GATAD2B: variants seen among roughly 807,000 people sequenced by gnomAD.
The protein encoded by GATAD2B is transcriptional repressor p66-beta.
In GATAD2B, 8 loss-of-function variants were observed where a neutral mutation model predicts 64.3. The observed-to-expected ratio is 0.12, with a 90% CI of 0.07 to 0.22. The LOEUF is 0.22. Among genes scored for constraint, GATAD2B ranks in the 10% least tolerant of loss-of-function variants. The pLI is 1.00. For missense variants in GATAD2B, 453 were observed against 752.0 expected (o/e 0.60, Z 4.65); for synonymous variants, 281 against 271.3 (o/e 1.04, Z -0.35).
Position 153,828,266 on chromosome 1 carries a change from G to A in GATAD2B, c.82C>T (p.Leu28=). 6.2e-7 allele frequency: 1 copy of A among 1,614,014 alleles called. No individual in the cohort carries two copies. Among genetic ancestry groups the A allele is most frequent in the South Asian group, 1.1e-5 (1 of 91,084 alleles). ...CCCTCCATTTTGAGTCGCTTTGCCA[G>A]GACATCATCTCGCTCATCTGCTGGG... The part of the protein sequence containing the change: ...LDPADERDDV[L]AKRLKMEGHE... The change falls in exon 2 of 11, where the codon CTG becomes TTG. Residue 28 remains leucine, a synonymous_variant. Transcript: ENST00000368655.
At chr1:153,903,867 C>T (rs1033382180) in intron 1 of GATAD2B, among the ~76,000 whole-genome samples, 1 of 152,060 alleles carries the variant, frequency 6.6e-6, no homozygotes, top group South Asian at 2.1e-4. Flanking sequence ...ACATGTGGTC[C>T]CAGCTACTTG....
intron 1 of GATAD2B, among the ~76,000 whole-genome samples, chr1:153,833,612 C>T (rs563105601): frequency 2.6e-5 from 4 of 151,926 alleles, no homozygotes; most frequent in Non-Finnish European, 4.4e-5. Context: ...GTCAAGAGTT[C>T]GAGACCAGTC....
chr1:153,894,668 C>T (rs907149515), intron 1 of GATAD2B, among the ~76,000 whole-genome samples: 12 of 151,702 alleles, frequency 7.9e-5, no homozygotes, highest in Admixed American at 3.9e-4. Flanking sequence ...TGAGACCATC[C>T]TGGCTAACAC....
chr1:153,853,399 G>GC (rs1675974960), intron 1 of GATAD2B: 1 of 659,252 alleles, frequency 1.5e-6, no homozygotes, highest in Admixed American at 2.2e-5. Flanking sequence ...TGGATCAACT[G>GC]CAACAGATGC....
chr1:153,918,015 T>C (rs1430276887), intron 1 of GATAD2B, among the ~76,000 whole-genome samples: 3 of 152,212 alleles, frequency 2.0e-5, no homozygotes, highest in South Asian at 4.1e-4. Context: ...CTAGCTGTTT[T>C]CCCACTAGAA....
At chr1:153,915,452 T>C (rs1429831042) in intron 1 of GATAD2B, among the ~76,000 whole-genome samples, 1 of 151,632 alleles carries the variant, frequency 6.6e-6, no homozygotes, top group Non-Finnish European at 1.5e-5. Flanking sequence ...ATAAACTTAA[T>C]AAAAATTATG....
chr1:153,810,025 TG>T lies in GATAD2B; in HGVS notation c.*151del. The T allele has an allele frequency of 1.4e-6, 1 of 706,724 alleles. No individual in the cohort carries two copies. Among genetic ancestry groups the T allele is most frequent in the Non-Finnish European group, 2.4e-6 (1 of 425,070 alleles). The allele number at this position is 706,724 out of a possible 1,614,324, so 43.8% of individuals were successfully genotyped here. ...TGGCAGGGCAGGGCGTGTGTTTTCT[TG>T]CTGATCTCTATTTTTTGTCTTCTGT... On this transcript the variant is annotated 3_prime_UTR_variant, in exon 11 of 11. Transcript: ENST00000368655.
chr1:153,857,920 G>C (rs1346849145), intron 1 of GATAD2B, among the ~76,000 whole-genome samples: 1 of 152,170 alleles, frequency 6.6e-6, no homozygotes, highest in African/African-American at 2.4e-5. Flanking sequence ...AGATTCTTTT[G>C]AAATCATTCA....
chr1:153,891,960 G>A (rs1366364378), intron 1 of GATAD2B, among the ~76,000 whole-genome samples: 4 of 151,250 alleles, frequency 2.6e-5, no homozygotes, highest in Non-Finnish European at 4.4e-5. Context: ...TCAAGAAATC[G>A]AGACCATCCT....
intron 1 of GATAD2B, chr1:153,852,773 C>A: frequency 1.1e-6 from 1 of 948,234 alleles, no homozygotes; most frequent in South Asian, 1.3e-5. Context: ...CCCAGTCTAA[C>A]ATAACAACTT....
At chr1:153,887,213 G>A (rs1046921100) in intron 1 of GATAD2B, among the ~76,000 whole-genome samples, 2 of 152,108 alleles carry the variant, frequency 1.3e-5, no homozygotes, top group Non-Finnish European at 2.9e-5. Context: ...CTCTCCACAT[G>A]TTTAGAAATA....
chr1:153,842,776 C>T (rs1447775814), intron 1 of GATAD2B, among the ~76,000 whole-genome samples: 2 of 151,760 alleles, frequency 1.3e-5, no homozygotes, highest in Non-Finnish European at 2.9e-5. Context: ...CCTCAACCTC[C>T]GGAGTAGCTG....
intron 1 of GATAD2B, among the ~76,000 whole-genome samples, chr1:153,922,315 G>A (rs1160399702): frequency 2.0e-5 from 3 of 149,992 alleles, no homozygotes; most frequent in African/African-American, 7.4e-5. Context: ...GGGCGCGCTA[G>A]AGAGGAAAGG....
At chr1:153,846,351 G>C (rs1191246394) in intron 1 of GATAD2B, among the ~76,000 whole-genome samples, 1 of 151,740 alleles carries the variant, frequency 6.6e-6, no homozygotes, top group Non-Finnish European at 1.5e-5. Context: ...TTCTGCCTCA[G>C]CCTCCAAAGT....
chr1:153,863,228 C>T (rs1676372779), intron 1 of GATAD2B, among the ~76,000 whole-genome samples: 1 of 152,038 alleles, frequency 6.6e-6, no homozygotes, highest in African/African-American at 2.4e-5. Flanking sequence ...CGCCTGTGAC[C>T]CCAACAGTTT....
intron 1 of GATAD2B, among the ~76,000 whole-genome samples, chr1:153,831,804 A>G (rs1675084441): frequency 6.6e-6 from 1 of 152,224 alleles, no homozygotes; most frequent in Non-Finnish European, 1.5e-5. Flanking sequence ...TACCATGGTA[A>G]GTTGGGCAGA....
intron 1 of GATAD2B, among the ~76,000 whole-genome samples, chr1:153,908,784 A>G (rs969834175): frequency 0.017 from 2,175 of 125,664 alleles, 28 homozygotes; most frequent in Non-Finnish European, 0.024. Context: ...CATACTTGGA[A>G]AAAAAAAAAA....
chr1:153,885,009 G>A (rs61580905), intron 1 of GATAD2B, among the ~76,000 whole-genome samples: 5 of 152,000 alleles, frequency 3.3e-5, no homozygotes, highest in African/African-American at 7.3e-5. Flanking sequence ...CTCCCGCTTC[G>A]GCCTCCCAAA....
In GATAD2B at chr1:153,828,135, A is replaced by G. The variant is rs113393467; in HGVS notation, c.213T>C (p.Gly71=). 4.3e-6 allele frequency: 7 copies of G among 1,614,076 alleles called. No homozygotes were observed. The highest frequency in any genetic ancestry group is 5.9e-6 in the Non-Finnish European group (7 of 1,180,000). The stretch of plus-strand genomic sequence containing the variant: ...TAAGTTTTTCTTCATAGCCCTTGAC[A>G]CCACTGCCATCCTGTTTGGTGGGTA... ...HELPTKQDGS[G]VKGYEEKLNG... is the part of the protein sequence containing the mutation. Residue 71 remains glycine, a synonymous_variant, in exon 2 of 11, where the codon GGT becomes GGC. Transcript: ENST00000368655.
Sources: gnomAD v4.1 joint callset for allele counts (sites outside exome capture counted in the v4.1 genomes callset) on GRCh38, gnomAD v4.1.1 for gene constraint, MANE v1.5 for transcripts, NCBI Gene and HGNC (gene_info 2026-07-23, HGNC 2026-07-21) for gene names.